Variants in PARP4 observed in about 807,000 individuals in gnomAD.
The protein encoded by PARP4 is poly(ADP-ribose) polymerase family member 4.
PARP4 carries 120 observed loss-of-function variants against 187.7 expected under a neutral mutation model. The observed-to-expected ratio is 0.64, with a 90% CI of 0.55 to 0.74. PARP4 has a LOEUF of 0.74. Ranked by LOEUF, PARP4 falls within the 30% of genes least tolerant of loss-of-function variation. The pLI is 0.00. For synonymous variants in PARP4, 654 were observed against 740.9 expected, an observed-to-expected ratio of 0.88 and a Z score of 1.90; for missense variants, 1,836 against 2,070.5, an observed-to-expected ratio of 0.89 and a Z score of 2.20.
Position 24,494,639 on chromosome 13 carries a change from T to C in PARP4, c.675A>G (p.Gln225=), listed in dbSNP as rs146608131. The change falls in exon 7 of 34, where the codon CAA becomes CAG. Residue 225 remains glutamine (Q), a synonymous_variant. Transcript: ENST00000381989. Reference sequence around the variant, plus strand: ...TGAAATGTTCTCTTAGTAGAAATCCTTGTTTCTTCAGTTCTTCAATGTAAT... The same window carrying C: ...TGAAATGTTCTCTTAGTAGAAATCCCTGTTTCTTCAGTTCTTCAATGTAAT... ...FENYIEELKK[Q]GFLLREHFTP... 5.0e-6 allele frequency: 8 copies of C among 1,610,606 alleles called. No homozygotes were observed. In the African/African-American group the frequency reaches 9.4e-5, roughly 19 times the overall value.
intron 17 of PARP4, among the ~76,000 whole-genome samples, chr13:24,465,354 C>T (rs888903535): frequency 6.6e-6 from 1 of 152,158 alleles, no homozygotes; most frequent in Non-Finnish European, 1.5e-5. Context: ...TTCGTTGCAG[C>T]ACTATTCACA....
chr13:24,460,149 CAT>C lies in PARP4; in HGVS notation c.2134-15_2134-14del. Reference sequence around the variant, plus strand: ...CAGTAAAAACGTCCTGAAACAGAAACATATGACTTAGCTTCCAACTTGAAAGC... The same window carrying C: ...CAGTAAAAACGTCCTGAAACAGAAACATGACTTAGCTTCCAACTTGAAAGC... On this transcript the variant is annotated splice_polypyrimidine_tract_variant and intron_variant, in intron 17 of 33. Transcript: ENST00000381989. 1.9e-6 allele frequency: 3 copies of C among 1,607,588 alleles called. No individual in the cohort carries two copies. Among genetic ancestry groups the C allele is most frequent in the Non-Finnish European group, 1.7e-6 (2 of 1,176,506 alleles).
At chr13:24,506,609 A>G (rs1869699997) in intron 1 of PARP4, among the ~76,000 whole-genome samples, 1 of 152,142 alleles carries the variant, frequency 6.6e-6, no homozygotes, top group African/African-American at 2.4e-5. Flanking sequence ...TGGTGCATTT[A>G]CAAACCTTGA....
intron 4 of PARP4, among the ~76,000 whole-genome samples, chr13:24,499,611 C>T (rs905961199): frequency 6.6e-6 from 1 of 152,136 alleles, no homozygotes; most frequent in Non-Finnish European, 1.5e-5. Flanking sequence ...CTCAGATACC[C>T]AGCACTGTAG....
chr13:24,487,573 G>A (rs1248118510), intron 10 of PARP4, among the ~76,000 whole-genome samples: 1 of 152,194 alleles, frequency 6.6e-6, no homozygotes, highest in Non-Finnish European at 1.5e-5. Flanking sequence ...ATGTGGGGAT[G>A]AGGGACAGAG....
chr13:24,493,603 A>G lies in PARP4; in HGVS notation c.872T>C (p.Leu291Pro), dbSNP rs759373375. Residue 291 changes from leucine (L) to proline (P), a missense_variant, in exon 8 of 34, where the codon CTC becomes CCC. Transcript: ENST00000381989. The stretch of plus-strand genomic sequence containing the variant: ...AGCGACACACCAACTTACATCGTTG[A>G]GGCTAATCCTGTTCACTGGCTTGAG... ...MLLKPVNRIS[L>P]NDVSKAEGIL... is the part of the protein sequence containing the mutation. 2 of 1,598,912 alleles carry G rather than the reference A, an allele frequency of 1.3e-6. No individual in the cohort carries two copies. Among genetic ancestry groups the G allele is most frequent in the Non-Finnish European group, 1.7e-6 (2 of 1,176,174 alleles).
At chr13:24,503,336 C>T (rs999679800) in intron 2 of PARP4, among the ~76,000 whole-genome samples, 4 of 152,208 alleles carry the variant, frequency 2.6e-5, no homozygotes, top group African/African-American at 7.2e-5. Context: ...TATGACTTTT[C>T]TCCTTCAAGA....
chr13:24,457,787 AAAAAAAAAAG>A (rs1320276141), intron 20 of PARP4, among the ~76,000 whole-genome samples: 4 of 122,962 alleles, frequency 3.3e-5, no homozygotes, highest in African/African-American at 1.1e-4. Context: ...AAAAAAAAAA[AAAAAAAAAAG>A]AAAAAAGAAA....
At position 24,435,402 on chromosome 13, in the gene PARP4, T is replaced by C. The variant is rs544501695; in HGVS notation, c.3739A>G (p.Lys1247Glu). 7.9e-5 allele frequency: 127 copies of C among 1,611,902 alleles called. 1 individual carries two copies. The South Asian group carries it at 1.3e-3, about 16-fold the overall frequency. Reference sequence around the variant, plus strand: ...GGCTGAGATAATTCCATTTTTCTTTTGGAAAATGGAATTTTCCTATGTTTT... The same window carrying C: ...GGCTGAGATAATTCCATTTTTCTTTCGGAAAATGGAATTTTCCTATGTTTT... ...KRKHRKIPFS[K>E]RKMELSQPEV... Residue 1247 changes from lysine to glutamate, a missense_variant, in exon 31 of 34, where the codon AAA (lysine) becomes GAA (glutamate). By Grantham distance (56) the Lys-to-Glu change is moderately conservative (BLOSUM62 1). Coordinates refer to ENST00000381989, the MANE Select transcript of PARP4 (RefSeq NM_006437.4).
At chr13:24,500,185 C>CT (rs1396644618) in intron 4 of PARP4, 131 bp downstream of exon 4, 1 of 437,354 alleles carries the variant, frequency 2.3e-6, no homozygotes, top group Non-Finnish European at 4.1e-6. Context: ...TAAAAAATCA[C>CT]TTGAGTTAGA....
chr13:24,449,149 G>T (rs113769469), intron 25 of PARP4, among the ~76,000 whole-genome samples: 1 of 152,116 alleles, frequency 6.6e-6, no homozygotes, highest in Non-Finnish European at 1.5e-5. Context: ...AGCACTTTGG[G>T]AGGCCAAGGT....
intron 30 of PARP4, among the ~76,000 whole-genome samples, chr13:24,438,028 G>A (rs1325326330): frequency 2.6e-5 from 4 of 152,160 alleles, no homozygotes; most frequent in Admixed American, 2.6e-4. Flanking sequence ...AAAGTGTGGG[G>A]ATTACAGGTA....
At position 24,478,182 on chromosome 13, in the gene PARP4, C is replaced by A. The variant is rs559957926; in HGVS notation, c.1543G>T (p.Glu515Ter). 7 of 1,613,968 alleles carry A rather than the reference C, an allele frequency of 4.3e-6. No individual in the cohort carries two copies. The highest frequency in any genetic ancestry group is 5.9e-6 in the Non-Finnish European group (7 of 1,179,880). The stretch of plus-strand genomic sequence containing the variant: ...GCTTCAGTTAAGGAAAAGTCCTTCT[C>A]ATGTAAGTCCATACACTTTCCGAGG... Reference protein sequence around the residue: ...VALGKCMDLHEKDFSLTEAPP... With the variant: ...VALGKCMDLH Residue 515 changes from glutamate to a stop codon, truncating the protein, a stop_gained, in exon 13 of 34, where the codon GAG (glutamate) becomes TAG (stop). Coordinates refer to ENST00000381989, the MANE Select transcript of PARP4 (RefSeq NM_006437.4). LOFTEE classifies it high-confidence loss of function.
intron 30 of PARP4, among the ~76,000 whole-genome samples, chr13:24,436,605 G>C (rs1870651081): frequency 6.6e-6 from 1 of 152,168 alleles, no homozygotes. Context: ...ACTGTGTCCA[G>C]CCAAAAGCTT....
At chr13:24,493,861 C>A (rs1868800338) in intron 7 of PARP4, 128 bp from the exon 8 acceptor site, 1 of 831,862 alleles carries the variant, frequency 1.2e-6, no homozygotes, top group Non-Finnish European at 1.9e-6. Flanking sequence ...TCATCCCCAG[C>A]CAGGTAACTA....
At chr13:24,511,502 C>G (rs567181468) in intron 1 of PARP4, among the ~76,000 whole-genome samples, 239 of 152,316 alleles carry the variant, frequency 1.6e-3, no homozygotes, top group Admixed American at 2.5e-3. Flanking sequence ...CAGCAGGGAA[C>G]AGCCCCGATT....
chr13:24,499,333 A>G lies in PARP4; in HGVS notation c.445T>C (p.Phe149Leu). ...NVEIPHLPQD[F>L]EVAKYNTLEK... The stretch of plus-strand genomic sequence containing the variant: ...AAGGTGTTATATTTTGCAACTTCAA[A>G]ATCTTGAGGAAGATGAGGAATTTCA... Residue 149 changes from phenylalanine to leucine, a missense_variant, in exon 5 of 34, where the codon TTT (phenylalanine) becomes CTT (leucine). Phe to Leu is a conservative substitution (Grantham distance 22, BLOSUM62 0). Coordinates refer to ENST00000381989, the MANE Select transcript of PARP4 (RefSeq NM_006437.4). The G allele has an allele frequency of 6.3e-7, 1 of 1,580,950 alleles. No homozygotes were observed. The highest frequency in any genetic ancestry group is 8.6e-7 in the Non-Finnish European group (1 of 1,166,112).
intron 10 of PARP4, among the ~76,000 whole-genome samples, chr13:24,487,830 C>T (rs1196318811): frequency 6.6e-6 from 1 of 152,176 alleles, no homozygotes; most frequent in African/African-American, 2.4e-5. Flanking sequence ...GGGTGAGCAG[C>T]ATCGGGGTGA....
intron 2 of PARP4, among the ~76,000 whole-genome samples, chr13:24,502,250 G>T (rs1869340933): frequency 1.3e-5 from 2 of 152,052 alleles, no homozygotes; most frequent in African/African-American, 4.8e-5. Flanking sequence ...TTGCTATGTT[G>T]ACCAGGCTGG....
Sources: gnomAD v4.1 joint callset for allele counts (sites outside exome capture counted in the v4.1 genomes callset) on GRCh38, gnomAD v4.1.1 for gene constraint, MANE v1.5 for transcripts, NCBI Gene and HGNC (gene_info 2026-07-23, HGNC 2026-07-21) for gene names.